CRYZ: variants seen among roughly 807,000 people sequenced by gnomAD.
CRYZ encodes crystallin zeta.
Under a neutral mutation model 34.1 loss-of-function variants are expected in CRYZ, and 35 were observed. The ratio of observed to expected loss-of-function variants is 1.03; its 90% confidence interval spans 0.78 to 1.36. The LOEUF (loss-of-function observed/expected upper bound fraction) is 1.36, where lower values mean the gene tolerates loss of function less well. CRYZ is among the 40% of genes most tolerant of loss of function. The pLI, the probability that CRYZ is intolerant of heterozygous loss-of-function variation, is 0.00. For missense variants in CRYZ, 403 were observed against 391.8 expected (o/e 1.03, Z -0.24); for synonymous variants, 137 against 136.5 (o/e 1.00, Z -0.03).
At chr1:74,714,012 C>T (rs912399735) in intron 5 of CRYZ, among the ~76,000 whole-genome samples, 1 of 151,966 alleles carries the variant, frequency 6.6e-6, no homozygotes, top group African/African-American at 2.4e-5. Flanking sequence ...TCTGAGTCCT[C>T]CTCCCCCATT....
intron 2 of CRYZ, among the ~76,000 whole-genome samples, chr1:74,723,640 G>T (rs1647205813): frequency 6.6e-6 from 1 of 152,158 alleles, no homozygotes; most frequent in Non-Finnish European, 1.5e-5. Flanking sequence ...CTAGCCAATG[G>T]AATGTTAGCA....
At chr1:74,707,072 T>TTA in intron 7 of CRYZ, 31 bp downstream of exon 7, 1 of 1,389,284 alleles carries the variant, frequency 7.2e-7, no homozygotes, top group Admixed American at 2.2e-5. Context: ...ATTAAAGTGG[T>TTA]AAAAAAAAAA....
intron 5 of CRYZ, among the ~76,000 whole-genome samples, chr1:74,711,373 C>G (rs945483627): frequency 6.6e-6 from 1 of 152,132 alleles, no homozygotes; most frequent in African/African-American, 2.4e-5. Flanking sequence ...GCTGTTAGAA[C>G]AGTCTAGATA....
chr1:74,721,410 T>C (rs1177920397), intron 3 of CRYZ, among the ~76,000 whole-genome samples: 1 of 152,110 alleles, frequency 6.6e-6, no homozygotes, highest in Non-Finnish European at 1.5e-5. Flanking sequence ...GGAGAGAGCA[T>C]GAAACAGTCT....
intron 2 of CRYZ, among the ~76,000 whole-genome samples, chr1:74,724,358 A>C (rs1336486652): frequency 2.0e-5 from 3 of 152,222 alleles, no homozygotes; most frequent in African/African-American, 4.8e-5. Context: ...TGAATGCAAA[A>C]GAAAATTGTT....
Position 74,722,972 on chromosome 1 carries a change from C to T in CRYZ, c.264+146G>A, listed in dbSNP as rs1647191055. 3 of 715,432 alleles carry T rather than the reference C, an allele frequency of 4.2e-6. No individual in the cohort carries two copies. In the South Asian group the frequency reaches 6.0e-5, roughly 14 times the overall value. The allele number at this position is 715,432 out of a possible 1,614,324, so 44.3% of individuals were successfully genotyped here. A position where few individuals can be genotyped will look rare whatever the true frequency, so the allele number is the denominator to read the frequency against. On this transcript the variant is annotated intron_variant, in intron 3 of 8. Transcript: ENST00000340866. ...TGGATAAAATCTAATTTCTTAATTC[C>T]TTTTTTGACTAGAGGAGTCCCCCGA...
At chr1:74,724,655 G>A (rs1647242779) in intron 2 of CRYZ, 56 bp downstream of exon 2, 1 of 1,075,742 alleles carries the variant, frequency 9.3e-7, no homozygotes, top group Non-Finnish European at 1.4e-6. Context: ...AATACAATGT[G>A]CAAGAGACTC....
At position 74,725,894 on chromosome 1, in the gene CRYZ, C is replaced by T. The variant is rs182627727; in HGVS notation, c.-13-1060G>A. Among the ~76,000 whole-genome samples, 475 of 152,294 alleles carry T rather than the reference C, an allele frequency of 3.1e-3. 2 individuals carry two copies. The highest frequency in any genetic ancestry group is 2.1e-3 in the Non-Finnish European group (146 of 68,040). ...ACAGGTCCCATGCAAGTCCAAAATC[C>T]AGCGAGACAGTCAAATCTTAAAGCT... is the stretch of plus-strand genomic sequence containing the variant. On this transcript the variant is annotated intron_variant, in intron 1 of 8. Coordinates refer to ENST00000340866, the MANE Select transcript of CRYZ (RefSeq NM_001889.4).
chr1:74,712,593 G>T (rs1647020056), intron 5 of CRYZ, among the ~76,000 whole-genome samples: 1 of 152,108 alleles, frequency 6.6e-6, no homozygotes, highest in South Asian at 2.1e-4. Flanking sequence ...GGTTATGGCA[G>T]GAATTTGTTT....
At chr1:74,718,343 C>T (rs1194025496) in intron 4 of CRYZ, among the ~76,000 whole-genome samples, 3 of 152,090 alleles carry the variant, frequency 2.0e-5, no homozygotes, top group African/African-American at 7.2e-5. Context: ...ATCCTACACA[C>T]AGCAGATAAG....
In CRYZ at chr1:74,719,318, C is replaced by G. The variant is rs1439981750; in HGVS notation, c.319G>C (p.Ala107Pro). The G allele has an allele frequency of 6.2e-7, 1 of 1,613,770 alleles. No individual in the cohort carries two copies. The highest frequency in any genetic ancestry group is 1.7e-5 in the Admixed American group (1 of 59,976). The change falls in exon 4 of 9, where the codon GCT becomes CCT. Residue 107 changes from alanine (A) to proline (P), a missense_variant. By Grantham distance (27) the Ala-to-Pro change is conservative. Coordinates refer to ENST00000340866, the MANE Select transcript of CRYZ (RefSeq NM_001889.4). ...TAAACAGTGTGGTCTGCTGCAAGAG[C>G]ATACTCTGCATAACCCCCAGAGATC... ...STISGGYAEY[A>P]LAADHTVYKL...
chr1:74,727,514 C>T (rs566738877), intron 1 of CRYZ, among the ~76,000 whole-genome samples: 62 of 150,482 alleles, frequency 4.1e-4, no homozygotes, highest in South Asian at 1.3e-3. Flanking sequence ...CGCCTGTAGT[C>T]CCAGCTACTC....
At chr1:74,731,994 G>A (rs889057083) in intron 1 of CRYZ, among the ~76,000 whole-genome samples, 2 of 152,184 alleles carry the variant, frequency 1.3e-5, no homozygotes, top group Non-Finnish European at 2.9e-5. Flanking sequence ...AAAGCTGGAG[G>A]AAGCTCCGGG....
intron 5 of CRYZ, 58 bp downstream of exon 5, chr1:74,714,521 A>G: frequency 1.3e-6 from 2 of 1,493,554 alleles, no homozygotes; most frequent in Non-Finnish European, 1.9e-6. Flanking sequence ...CAAAGGAACT[A>G]TAATGTGAAA....
chr1:74,708,131 G>A (rs1054551954), intron 6 of CRYZ: 4 of 152,112 alleles, frequency 2.6e-5, no homozygotes, highest in African/African-American at 9.7e-5. Context: ...AAAGATGGAG[G>A]GGACTGAGAA....
chr1:74,717,228 T>G (rs942333661), intron 4 of CRYZ, among the ~76,000 whole-genome samples: 2 of 151,912 alleles, frequency 1.3e-5, no homozygotes, highest in African/African-American at 4.8e-5. Context: ...GTCTTGTCTA[T>G]CCTTAAAAAA....
chr1:74,717,815 G>A (rs561472215), intron 4 of CRYZ, among the ~76,000 whole-genome samples: 16 of 152,246 alleles, frequency 1.1e-4, no homozygotes, highest in African/African-American at 3.4e-4. Context: ...GAATCCTTTC[G>A]GTCTCTTACA....
intron 1 of CRYZ, among the ~76,000 whole-genome samples, chr1:74,729,606 T>C (rs1163120547): frequency 6.8e-6 from 1 of 146,354 alleles, no homozygotes; most frequent in Non-Finnish European, 1.5e-5. Context: ...ATCCTGCCAC[T>C]GCACCACTCC....
intron 5 of CRYZ, 88 bp from the exon 6 acceptor site, chr1:74,710,335 G>A (rs1379174574): frequency 2.4e-6 from 3 of 1,265,040 alleles, no homozygotes; most frequent in Non-Finnish European, 3.2e-6. Flanking sequence ...GATTCCTATA[G>A]GACCCACCCT....
Sources: gnomAD v4.1 joint callset for allele counts (sites outside exome capture counted in the v4.1 genomes callset) on GRCh38, gnomAD v4.1.1 for gene constraint, MANE v1.5 for transcripts, NCBI Gene and HGNC (gene_info 2026-07-23, HGNC 2026-07-21) for gene names.